Variants in DPY19L1 observed in about 807,000 individuals in gnomAD.
DPY19L1 encodes protein C-mannosyl-transferase DPY19L1.
Under a neutral mutation model 96.9 loss-of-function variants are expected in DPY19L1, and 35 were observed. That is an observed-to-expected ratio of 0.36 (90% CI 0.28 to 0.48). The LOEUF is 0.48. Among genes scored for constraint, DPY19L1 ranks in the 20% least tolerant of loss-of-function variants. DPY19L1 has a pLI of 0.99. For missense variants in DPY19L1, 521 were observed against 777.9 expected (o/e 0.67, Z 3.93); for synonymous variants, 205 against 252.6 (o/e 0.81, Z 1.79).
In DPY19L1 at chr7:35,029,182, C is replaced by T. The variant is rs140248331; in HGVS notation, c.298+7915G>A. Among the ~76,000 whole-genome samples the T allele has an allele frequency of 6.0e-3, 917 of 152,228 alleles. 10 individuals carry two copies. The highest frequency in any genetic ancestry group is 0.02 in the African/African-American group (816 of 41,518). On this transcript the variant is annotated intron_variant, in intron 1 of 21. Transcript: ENST00000638088. ...CATTCGAAATGGATTTGCTCTGATTCGAATGACTTTGACGCAAACATTTCA... is the reference window on the plus strand; with the variant it reads ...CATTCGAAATGGATTTGCTCTGATTTGAATGACTTTGACGCAAACATTTCA...
chr7:34,974,424 T>A (rs577561002), intron 7 of DPY19L1, among the ~76,000 whole-genome samples: 1 of 152,298 alleles, frequency 6.6e-6, no homozygotes, highest in South Asian at 2.1e-4. Context: ...AATAAGTGTT[T>A]CCTATATTTT....
At chr7:34,933,382 T>A (rs1453096848) in intron 21 of DPY19L1, among the ~76,000 whole-genome samples, 3 of 152,242 alleles carry the variant, frequency 2.0e-5, no homozygotes, top group African/African-American at 7.2e-5. Flanking sequence ...GAACATACAA[T>A]ATTTGCTATC....
At position 35,037,307 on chromosome 7, in the gene DPY19L1, C is replaced by T. The variant is rs1384350726; in HGVS notation, c.88G>A (p.Ala30Thr). ...PRASQSPLRG[A>T]SDVGAGEPGP... ...GGCTCCCCGGCGCCGACGTCCGACG[C>T]CCCCCTCAGCGGCGACTGTGAGGCG... The change falls in exon 1 of 22, where the codon GCG becomes ACG. Residue 30 changes from alanine to threonine, a missense_variant. Transcript: ENST00000638088. The T allele has an allele frequency of 2.9e-6, 1 of 349,340 alleles. No individual in the cohort carries two copies. Among genetic ancestry groups the T allele is most frequent in the Non-Finnish European group, 5.1e-6 (1 of 194,668 alleles). The allele number at this position is 349,340 out of a possible 1,614,324, so 21.6% of individuals were successfully genotyped here.
At chr7:34,969,159 A>G (rs1784673357) in intron 9 of DPY19L1, among the ~76,000 whole-genome samples, 1 of 152,202 alleles carries the variant, frequency 6.6e-6, no homozygotes, top group African/African-American at 2.4e-5. Flanking sequence ...AATAACAAAG[A>G]TAAGCATTCT....
chr7:35,014,380 G>T (rs761944991), intron 3 of DPY19L1, among the ~76,000 whole-genome samples: 4 of 150,284 alleles, frequency 2.7e-5, no homozygotes, highest in Non-Finnish European at 4.4e-5. Context: ...GATAGCAAGG[G>T]TGAAATAATA....
At chr7:34,990,238 C>A (rs778480906) in intron 6 of DPY19L1, among the ~76,000 whole-genome samples, 3 of 152,120 alleles carry the variant, frequency 2.0e-5, no homozygotes, top group Non-Finnish European at 4.4e-5. Context: ...CATCACGCAA[C>A]CTGATATTTC....
At chr7:35,005,214 G>C (rs1197465858) in intron 6 of DPY19L1, among the ~76,000 whole-genome samples, 2 of 151,996 alleles carry the variant, frequency 1.3e-5, no homozygotes, top group Non-Finnish European at 2.9e-5. Flanking sequence ...AGAGGCAGCA[G>C]TAATCAGGGG....
rs772451836 is a variant in DPY19L1 at position 34,955,348 on chromosome 7, G to A, written c.1199C>T (p.Pro400Leu). The A allele has an allele frequency of 8.1e-6, 13 of 1,606,932 alleles. No individual in the cohort carries two copies. The Admixed American group carries it at 2.0e-4, about 25-fold the overall frequency. The change falls in exon 12 of 22, where the codon CCA (proline) becomes CTA (leucine). Residue 400 changes from proline (P) to leucine (L), a missense_variant. Transcript: ENST00000638088. Reference sequence around the variant, plus strand: ...AGATACATTTATTTTCAGGAAATGTGGTTTCATTGCCAGAATACCCTGAGT... The same window carrying A: ...AGATACATTTATTTTCAGGAAATGTAGTTTCATTGCCAGAATACCCTGAGT... ...VIIWGILAMK[P>L]HFLKINVSEL...
chr7:35,037,533 G>T, upstream of DPY19L1: 1 of 314,014 alleles, frequency 3.2e-6, no homozygotes, highest in Non-Finnish European at 5.8e-6. Flanking sequence ...CCCTCCCCGC[G>T]GGCCGGGAGG....
intron 10 of DPY19L1, among the ~76,000 whole-genome samples, chr7:34,964,687 T>C (rs554201001): frequency 9.2e-5 from 14 of 152,326 alleles, no homozygotes; most frequent in African/African-American, 3.1e-4. Context: ...TATTAATTTC[T>C]TTTTAAAAGT....
rs1415317898 is a variant in DPY19L1 at position 34,989,826 on chromosome 7, T to G, written c.822+58A>C. Reference sequence around the variant, plus strand: ...TAAAGAATGCCATTATAGATTAAATTTAAAGAAGAAAACTGCATTTCCAGA... The same window carrying G: ...TAAAGAATGCCATTATAGATTAAATGTAAAGAAGAAAACTGCATTTCCAGA... On this transcript the variant is annotated intron_variant, in intron 7 of 21. Coordinates refer to ENST00000638088, the MANE Select transcript of DPY19L1 (RefSeq NM_001366673.1). 6.9e-5 allele frequency: 97 copies of G among 1,403,600 alleles called. 1 individual carries two copies. In the Middle Eastern group the frequency reaches 7.3e-4, roughly 11 times the overall value. The allele number at this position is 1,403,600 out of a possible 1,614,324, so 86.9% of individuals were successfully genotyped here. A position where few individuals can be genotyped will look rare whatever the true frequency, so the allele number is the denominator to read the frequency against.
intron 6 of DPY19L1, among the ~76,000 whole-genome samples, chr7:34,997,436 C>CAA (rs397836742): frequency 0.015 from 1,409 of 91,880 alleles, 38 homozygotes; most frequent in South Asian, 0.062. Flanking sequence ...ACTAAAAATA[C>CAA]AAAAAAAAAA....
intron 1 of DPY19L1, among the ~76,000 whole-genome samples, chr7:35,027,666 ACT>A: frequency 7.3e-6 from 1 of 136,304 alleles, no homozygotes; most frequent in Non-Finnish European, 1.6e-5. Flanking sequence ...CCCCGTCTCT[ACT>A]AAAAAAAAAA....
chr7:34,971,513 C>T (rs1203068498), intron 8 of DPY19L1, among the ~76,000 whole-genome samples: 1 of 152,102 alleles, frequency 6.6e-6, no homozygotes, highest in Non-Finnish European at 1.5e-5. Flanking sequence ...GGATCTGAAC[C>T]AGGAGTGGTG....
rs1240943630 is a variant in DPY19L1, at chr7:35,027,148, G to A, written c.299-8552C>T. Among the ~76,000 whole-genome samples, 4 of 152,034 alleles carry A rather than the reference G, an allele frequency of 2.6e-5. No homozygotes were observed. In the East Asian group the frequency reaches 7.7e-4, roughly 29 times the overall value. On this transcript the variant is annotated intron_variant, in intron 1 of 21. Transcript: ENST00000638088. ...GAATCCAGGAGGTGGAGGTTACAGT[G>A]AGCCGAGATTGCGCCATTGCACTCC...
chr7:34,941,120 T>C (rs988570674), intron 18 of DPY19L1, among the ~76,000 whole-genome samples: 2 of 152,176 alleles, frequency 1.3e-5, no homozygotes, highest in Non-Finnish European at 2.9e-5. Context: ...TTCTGTCTAC[T>C]ACTCTCTCCT....
intron 2 of DPY19L1, among the ~76,000 whole-genome samples, 173 bp downstream of exon 2, chr7:35,018,399 A>G (rs1477878876): frequency 3.3e-5 from 5 of 152,128 alleles, no homozygotes; most frequent in African/African-American, 7.2e-5. Flanking sequence ...TTAAACAATT[A>G]TATTATTCTG....
chr7:35,026,134 T>C (rs568989026), intron 1 of DPY19L1, among the ~76,000 whole-genome samples: 1 of 152,260 alleles, frequency 6.6e-6, no homozygotes, highest in South Asian at 2.1e-4. Context: ...TTGATTATCA[T>C]TGGTACAGAG....
At chr7:34,955,453 A>T (rs1179017875) in intron 11 of DPY19L1, 86 bp from the exon 12 acceptor site, 4 of 1,519,290 alleles carry the variant, frequency 2.6e-6, no homozygotes, top group Non-Finnish European at 3.6e-6. Context: ...AAATAATAAG[A>T]TTCTCAAGTA....
Sources: allele counts gnomAD v4.1 joint callset (sites outside exome capture counted in the v4.1 genomes callset), GRCh38; gene constraint gnomAD v4.1.1; transcripts MANE v1.5; gene names NCBI Gene and HGNC (gene_info 2026-07-23, HGNC 2026-07-21).